Variants in ST7L observed in about 807,000 individuals in gnomAD.
ST7L encodes suppressor of tumorigenicity 7 protein-like.
Under a neutral mutation model 72.5 loss-of-function variants are expected in ST7L, and 57 were observed. The ratio of observed to expected loss-of-function variants is 0.79; its 90% CI spans 0.64 to 0.98. The LOEUF is 0.98. Ranked by LOEUF, ST7L falls within the 50% of genes least tolerant of loss-of-function variation. ST7L has a pLI of 0.00. For synonymous variants in ST7L, 221 were observed against 240.9 expected (o/e 0.92, Z 0.77); for missense variants, 576 against 672.2 (o/e 0.86, Z 1.58).
rs200414266 is a variant in ST7L at position 112,574,646 on chromosome 1, A to G, written c.1245+2340T>C. 2.6e-5 allele frequency among the ~76,000 whole-genome samples: 4 copies of G among 151,574 alleles called. No individual in the cohort carries two copies. In the East Asian group the frequency reaches 5.9e-4, roughly 22 times the overall value. ...TGCACTCCAGCCTGGGCGACAGAAC[A>G]AGACTCCGTCTCAAAAAAAAAAGAA... On this transcript the variant is annotated intron_variant, in intron 11 of 14. Coordinates refer to ENST00000358039, the MANE Select transcript of ST7L (RefSeq NM_017744.5).
At chr1:112,591,626 A>C in intron 5 of ST7L, 23 bp from the exon 6 acceptor site, 1 of 1,579,902 alleles carries the variant, frequency 6.3e-7, no homozygotes, top group Non-Finnish European at 8.6e-7. Context: ...ATTCCATAAA[A>C]TAGATGAGAT....
intron 14 of ST7L, chr1:112,528,534 ACATAT>A (rs1421273078): frequency 6.6e-6 from 1 of 152,180 alleles, no homozygotes; most frequent in Non-Finnish European, 1.5e-5. Flanking sequence ...ACAAAATGCT[ACATAT>A]CATTAACTAC....
At chr1:112,555,679 T>C (rs1301139062) in intron 12 of ST7L, among the ~76,000 whole-genome samples, 189 bp downstream of exon 12, 1 of 152,252 alleles carries the variant, frequency 6.6e-6, no homozygotes, top group Non-Finnish European at 1.5e-5. Flanking sequence ...CTCATTCTGC[T>C]TTTGTGGGAT....
chr1:112,606,157 C>A (rs1478971114), intron 3 of ST7L, among the ~76,000 whole-genome samples: 1 of 152,174 alleles, frequency 6.6e-6, no homozygotes, highest in Non-Finnish European at 1.5e-5. Context: ...GTTGTTCAAC[C>A]ACATCCCTAC....
chr1:112,596,929 G>A (rs554553069), intron 5 of ST7L, among the ~76,000 whole-genome samples: 13 of 152,208 alleles, frequency 8.5e-5, no homozygotes, highest in East Asian at 1.9e-4. Flanking sequence ...GAGCCACCGC[G>A]CCCAGCCCAT....
Position 112,526,126 on chromosome 1 carries a change from T to C in ST7L, c.1630-15A>G, listed in dbSNP as rs1653328977. On this transcript the variant is annotated splice_polypyrimidine_tract_variant and intron_variant, in intron 14 of 14. Transcript: ENST00000358039. Reference sequence around the variant, plus strand: ...AGTCCCAGCACCTTCAAAACAGAAATTGATACAAAATGTTCAAGCCCTGTA... The same window carrying C: ...AGTCCCAGCACCTTCAAAACAGAAACTGATACAAAATGTTCAAGCCCTGTA... 1 of 1,613,922 alleles carries C rather than the reference T, an allele frequency of 6.2e-7. No homozygotes were observed.
intron 14 of ST7L, among the ~76,000 whole-genome samples, chr1:112,538,015 A>G (rs1655491257): frequency 6.6e-6 from 1 of 152,232 alleles, no homozygotes. Context: ...TAACAAATGC[A>G]TTTTAAGAAA....
At chr1:112,536,384 A>C (rs1179524204) in intron 14 of ST7L, among the ~76,000 whole-genome samples, 4 of 152,148 alleles carry the variant, frequency 2.6e-5, no homozygotes, top group Non-Finnish European at 5.9e-5. Flanking sequence ...GGTATACATT[A>C]ATATATAGTT....
At chr1:112,533,325 T>A (rs75179869) in intron 14 of ST7L, among the ~76,000 whole-genome samples, 263 of 142,228 alleles carry the variant, frequency 1.8e-3, no homozygotes, top group African/African-American at 6.4e-3. Context: ...TATTTTATTT[T>A]ATTTTTTTTT....
chr1:112,578,961 T>C (rs562099645), intron 9 of ST7L, among the ~76,000 whole-genome samples: 61 of 152,184 alleles, frequency 4.0e-4, no homozygotes, highest in Non-Finnish European at 8.1e-4. Context: ...CTAAGCATCT[T>C]TGAGCTAGTA....
Position 112,594,394 on chromosome 1 carries a change from T to C in ST7L, c.623-2791A>G, listed in dbSNP as rs540555580. ...CTTTTATTTATTAAACAGTGAAGCT[T>C]GGCATTGGAAAGAAAGTATTCTGGC... is the stretch of plus-strand genomic sequence containing the variant. On this transcript the variant is annotated intron_variant, in intron 5 of 14. Coordinates refer to ENST00000358039, the MANE Select transcript of ST7L (RefSeq NM_017744.5). Among the ~76,000 whole-genome samples, 54 of 152,254 alleles carry C rather than the reference T, an allele frequency of 3.5e-4. No homozygotes were observed. In the Middle Eastern group the frequency reaches 0.014, roughly 38 times the overall value.
chr1:112,520,207 A>G, downstream of ST7L: 1 of 1,415,114 alleles, frequency 7.1e-7, no homozygotes, highest in Non-Finnish European at 9.8e-7. Context: ...CTTCCTTCTG[A>G]GAATGTGGTT....
At chr1:112,570,936 G>A (rs76099844) in intron 11 of ST7L, among the ~76,000 whole-genome samples, 8,344 of 152,230 alleles carry the variant, frequency 0.055, 431 homozygotes, top group Admixed American at 0.17. Flanking sequence ...TAGCGGGGCC[G>A]AGGCAGGTGG....
chr1:112,570,860 T>C (rs1661987826), intron 11 of ST7L: 1 of 435,720 alleles, frequency 2.3e-6, no homozygotes, highest in Admixed American at 2.6e-5. Flanking sequence ...GTTTAAAACT[T>C]CTCCAAAAGT....
intron 11 of ST7L, among the ~76,000 whole-genome samples, chr1:112,560,714 C>A (rs978121884): frequency 6.6e-5 from 10 of 152,230 alleles, no homozygotes; most frequent in African/African-American, 2.4e-4. Flanking sequence ...GTAATCCCAG[C>A]ACTTTGGGAG....
At chr1:112,588,750 AG>A (rs1426262644) in intron 6 of ST7L, among the ~76,000 whole-genome samples, 2 of 152,196 alleles carry the variant, frequency 1.3e-5, no homozygotes, top group Non-Finnish European at 2.9e-5. Context: ...CCACTTGGTC[AG>A]GGTGTATAAC....
At chr1:112,531,556 C>T (rs893352307) in intron 14 of ST7L, among the ~76,000 whole-genome samples, 9 of 152,278 alleles carry the variant, frequency 5.9e-5, no homozygotes, top group East Asian at 1.9e-4. Flanking sequence ...CTATATCTTA[C>T]GGGAGCCGTG....
the ST7L span, chr1:112,518,200 T>G: frequency 6.6e-6 from 1 of 152,268 alleles, no homozygotes; most frequent in African/African-American, 2.4e-5. Flanking sequence ...GATATGGTTT[T>G]TCCCCAAGGG....
chr1:112,548,930 C>G (rs1047668374), intron 13 of ST7L, among the ~76,000 whole-genome samples: 1 of 151,930 alleles, frequency 6.6e-6, no homozygotes, highest in South Asian at 2.1e-4. Context: ...TTTTTCAATT[C>G]GTTCTTCTTC....
Sources: gnomAD v4.1 joint callset for allele counts (sites outside exome capture counted in the v4.1 genomes callset) on GRCh38, gnomAD v4.1.1 for gene constraint, MANE v1.5 for transcripts, NCBI Gene and HGNC (gene_info 2026-07-23, HGNC 2026-07-21) for gene names.